The following CAB39 variants were observed in gnomAD, a reference collection of about 807,000 sequenced individuals.
CAB39 encodes the protein calcium-binding protein 39.
Under a neutral mutation model 40.0 loss-of-function variants are expected in CAB39, and 8 were observed. The ratio of observed to expected loss-of-function variants is 0.20; its 90% CI spans 0.12 to 0.36. The LOEUF is 0.36. CAB39 is among the 10% of genes least tolerant of loss of function. CAB39 has a pLI of 1.00. For missense variants in CAB39, 270 were observed against 401.1 expected, an observed-to-expected ratio of 0.67 and a Z score of 2.79; for synonymous variants, 156 against 141.6, an observed-to-expected ratio of 1.10 and a Z score of -0.72.
intron 2 of CAB39, among the ~76,000 whole-genome samples, chr2:230,788,356 C>T (rs1559611283): frequency 3.3e-5 from 5 of 151,616 alleles, no homozygotes. Flanking sequence ...AACCTGACAA[C>T]ATTATACCTG....
intron 5 of CAB39, among the ~76,000 whole-genome samples, chr2:230,800,015 G>A (rs1308621913): frequency 4.7e-5 from 7 of 150,070 alleles, no homozygotes; most frequent in South Asian, 2.1e-4. Context: ...ATGTATACAC[G>A]CACACACACA....
intron 1 of CAB39, among the ~76,000 whole-genome samples, chr2:230,715,875 A>G (rs943990092): frequency 4.6e-5 from 7 of 152,026 alleles, no homozygotes; most frequent in Non-Finnish European, 8.8e-5. Flanking sequence ...TAATTTTTGT[A>G]TTTTTATAGA....
intron 2 of CAB39, among the ~76,000 whole-genome samples, chr2:230,769,035 T>C (rs1695437794): frequency 2.0e-5 from 3 of 152,158 alleles, no homozygotes; most frequent in Non-Finnish European, 4.4e-5. Flanking sequence ...CAACTTAAAA[T>C]AGGTTAAAAG....
At chr2:230,758,682 A>G (rs1367707822) in intron 1 of CAB39, among the ~76,000 whole-genome samples, 1 of 152,152 alleles carries the variant, frequency 6.6e-6, no homozygotes, top group Non-Finnish European at 1.5e-5. Context: ...TTTATATAGA[A>G]GGGGAAAACA....
rs1432972587 is a variant in CAB39, at chr2:230,749,689, G to T, written c.-43-10270G>T. ...CATTGATTTTAAATGACTTCTGAATGTTCAGTTCTATTTGCTGAGAATTCT... is the reference window on the plus strand; with the variant it reads ...CATTGATTTTAAATGACTTCTGAATTTTCAGTTCTATTTGCTGAGAATTCT... On this transcript the variant is annotated intron_variant, in intron 1 of 8. Coordinates refer to ENST00000258418, the MANE Select transcript of CAB39 (RefSeq NM_016289.4). 2.6e-5 allele frequency among the ~76,000 whole-genome samples: 4 copies of T among 152,166 alleles called. No homozygotes were observed. The East Asian group carries it at 7.7e-4, about 29-fold the overall frequency.
intron 1 of CAB39, among the ~76,000 whole-genome samples, chr2:230,714,813 T>A (rs1694320250): frequency 6.6e-6 from 1 of 152,212 alleles, no homozygotes; most frequent in African/African-American, 2.4e-5. Context: ...AGGAAGTAAT[T>A]AGCAGCTGTA....
intron 1 of CAB39, among the ~76,000 whole-genome samples, chr2:230,739,425 A>G (rs1451037799): frequency 6.6e-6 from 1 of 152,264 alleles, no homozygotes; most frequent in Non-Finnish European, 1.5e-5. Flanking sequence ...GACCTTTAAC[A>G]TATTCAGAGA....
intron 1 of CAB39, among the ~76,000 whole-genome samples, chr2:230,721,506 T>C (rs1233869107): frequency 1.3e-5 from 2 of 152,224 alleles, no homozygotes; most frequent in Non-Finnish European, 2.9e-5. Context: ...TCTGTTTATC[T>C]TTTTATCTCA....
intron 6 of CAB39, 89 bp from the exon 7 acceptor site, chr2:230,813,960 A>G: frequency 1.7e-6 from 1 of 572,010 alleles, no homozygotes. Flanking sequence ...AAGCTAATTT[A>G]CAATGTTACC....
At chr2:230,759,637 T>C (rs1231728269) in intron 1 of CAB39, among the ~76,000 whole-genome samples, 1 of 152,216 alleles carries the variant, frequency 6.6e-6, no homozygotes, top group East Asian at 1.9e-4. Context: ...GCAGTAGCAG[T>C]TGCCCTGTGA....
At position 230,807,602 on chromosome 2, in the gene CAB39, A is replaced by C. The variant is rs1373377705; in HGVS notation, c.568-2661A>C. On this transcript the variant is annotated intron_variant, in intron 5 of 8. Transcript: ENST00000258418. Reference sequence around the variant, plus strand: ...GAGTTTCCAGATGGTAACACATAGAATCTCCCCTACATGGGAAGATGTTAG... The same window carrying C: ...GAGTTTCCAGATGGTAACACATAGACTCTCCCCTACATGGGAAGATGTTAG... Among the ~76,000 whole-genome samples, 3 of 152,026 alleles carry C rather than the reference A, an allele frequency of 2.0e-5. No homozygotes were observed. The East Asian group carries it at 5.8e-4, about 29-fold the overall frequency.
intron 1 of CAB39, among the ~76,000 whole-genome samples, chr2:230,759,571 G>A (rs899144405): frequency 3.3e-5 from 5 of 152,204 alleles, no homozygotes; most frequent in Admixed American, 6.5e-5. Context: ...AGGAGCAGGA[G>A]ATTGTTAGAA....
intron 1 of CAB39, among the ~76,000 whole-genome samples, chr2:230,738,302 T>C (rs1379321853): frequency 1.3e-5 from 2 of 152,224 alleles, no homozygotes; most frequent in Admixed American, 6.5e-5. Context: ...GTTCTCATCT[T>C]TTGGTTTATG....
chr2:230,748,303 G>C (rs1038381528), intron 1 of CAB39, among the ~76,000 whole-genome samples: 2 of 152,048 alleles, frequency 1.3e-5, no homozygotes, highest in African/African-American at 4.8e-5. Context: ...AGTTGGGTGG[G>C]GTGGGCAAGG....
chr2:230,748,831 A>AAAAAAAAAATATATAT (rs1386799920), intron 1 of CAB39, among the ~76,000 whole-genome samples: 3 of 28,512 alleles, frequency 1.1e-4, no homozygotes, highest in African/African-American at 2.5e-4. Context: ...AAAAAAAAAA[A>AAAAAAAAAATATATAT]ATATATATAT....
chr2:230,797,616 A>G (rs2124965087), intron 4 of CAB39, among the ~76,000 whole-genome samples: 1 of 152,196 alleles, frequency 6.6e-6, no homozygotes, highest in South Asian at 2.1e-4. Context: ...TCCAGAGGCA[A>G]CAGAAAATGC....
At chr2:230,727,138 C>T (rs1694593999) in intron 1 of CAB39, among the ~76,000 whole-genome samples, 1 of 151,838 alleles carries the variant, frequency 6.6e-6, no homozygotes, top group Non-Finnish European at 1.5e-5. Flanking sequence ...AAGAGCTAAT[C>T]ATGAAGGTGG....
intron 1 of CAB39, among the ~76,000 whole-genome samples, chr2:230,727,377 T>TGTGTGTGTTAACC (rs1438021003): frequency 6.8e-6 from 1 of 147,034 alleles, no homozygotes; most frequent in East Asian, 1.9e-4. Flanking sequence ...TGTGTGTGTG[T>TGTGTGTGTTAACC]GTGTGTGTGT....
intron 2 of CAB39, among the ~76,000 whole-genome samples, chr2:230,785,727 C>A (rs1009845673): frequency 2.6e-4 from 40 of 151,810 alleles, no homozygotes; most frequent in African/African-American, 9.4e-4. Flanking sequence ...CAGGGTCTTG[C>A]TCTGTCACCC....
Sources: gnomAD v4.1 joint callset for allele counts (sites outside exome capture counted in the v4.1 genomes callset) on GRCh38, gnomAD v4.1.1 for gene constraint, MANE v1.5 for transcripts, NCBI Gene and HGNC (gene_info 2026-07-23, HGNC 2026-07-21) for gene names.